Variants in CDK18 observed in about 807,000 individuals in gnomAD.
The protein encoded by CDK18 is cyclin dependent kinase 18.
CDK18 carries 52 observed loss-of-function variants against 62.0 expected under a neutral mutation model. That is an observed-to-expected ratio of 0.84 (90% CI 0.67 to 1.06). The LOEUF is 1.06. CDK18 is among the 50% of genes least tolerant of loss of function. The pLI, the probability that CDK18 is intolerant of heterozygous loss-of-function variation, is 0.00. For missense variants in CDK18, 604 were observed against 619.9 expected, an observed-to-expected ratio of 0.97 and a Z score of 0.27; for synonymous variants, 237 against 247.0, an observed-to-expected ratio of 0.96 and a Z score of 0.38.
chr1:205,512,080 C>T (rs2102275808), intron 1 of CDK18, among the ~76,000 whole-genome samples: 1 of 151,168 alleles, frequency 6.6e-6, no homozygotes, highest in South Asian at 2.1e-4. Context: ...TCTAACTGAA[C>T]CCTTGGGGGA....
intron 1 of CDK18, among the ~76,000 whole-genome samples, chr1:205,514,428 C>T (rs763008351): frequency 1.3e-4 from 20 of 152,032 alleles, no homozygotes; most frequent in Non-Finnish European, 2.2e-4. Context: ...TCTAGTGTGC[C>T]CAGAAAGAGG....
chr1:205,528,223 A>G lies in CDK18; in HGVS notation c.974+55A>G. 6.3e-7 allele frequency: 1 copy of G among 1,589,650 alleles called. No homozygotes were observed. On this transcript the variant is annotated intron_variant, in intron 10 of 15. Transcript: ENST00000429964. This position sits in a 1 kb window ranked among gnomAD's most constrained non-coding sequence, Gnocchi z 4.2. ...GGAGGACAGGCCTGGCCACACCTCC[A>G]GACTCTCCTTTGCTTCCCCAAGGGC...
chr1:205,523,707 C>T (rs576897417), intron 3 of CDK18, 82 bp downstream of exon 3: 2 of 1,475,492 alleles, frequency 1.4e-6, no homozygotes, highest in South Asian at 2.7e-5. Flanking sequence ...TGCCTTACAG[C>T]CAGACTTTGT....
intron 1 of CDK18, among the ~76,000 whole-genome samples, chr1:205,520,489 C>G: frequency 6.6e-6 from 1 of 152,080 alleles, no homozygotes. Context: ...CACTTGAGGT[C>G]AGGAGTTCGA....
At chr1:205,530,580 G>C (rs767136298) in intron 14 of CDK18, 48 bp from the exon 15 acceptor site, 8 of 1,558,768 alleles carry the variant, frequency 5.1e-6, no homozygotes, top group Non-Finnish European at 7.1e-6. Flanking sequence ...CCTTACTGGA[G>C]GCCAGCTCCA....
chr1:205,508,371 C>T (rs1487450618), intron 1 of CDK18, among the ~76,000 whole-genome samples: 1 of 152,254 alleles, frequency 6.6e-6, no homozygotes, highest in African/African-American at 2.4e-5. Flanking sequence ...ACAGGCTGGG[C>T]TCACAACAGC....
Position 205,526,857 on chromosome 1 carries a change from G to A in CDK18, c.729+20G>A. On this transcript the variant is annotated intron_variant, in intron 8 of 15. Coordinates refer to ENST00000429964, the MANE Select transcript of CDK18 (RefSeq NM_212502.3). ...GTCAAGGTGAGGCCTCGGGGGCAGG[G>A]TCCCCCCATCTTGGCAGCCACCTGT... The A allele has an allele frequency of 6.2e-7, 1 of 1,607,066 alleles. No individual in the cohort carries two copies. The highest frequency in any genetic ancestry group is 8.5e-7 in the Non-Finnish European group (1 of 1,173,566).
At chr1:205,529,730 ATCC>A (rs1558786993) in intron 13 of CDK18, 167 bp downstream of exon 13, 11 of 1,537,388 alleles carry the variant, frequency 7.2e-6, no homozygotes, top group Non-Finnish European at 9.6e-6. Context: ...CTCCATACAC[ATCC>A]TCTGGAGTCT....
rs1668500893 is a variant in CDK18 at position 205,527,542 on chromosome 1, C to G, written c.730-252C>G. 1 of 480,476 alleles carries G rather than the reference C, an allele frequency of 2.1e-6. No individual in the cohort carries two copies. Among genetic ancestry groups the G allele is most frequent in the South Asian group, 2.9e-5 (1 of 34,674 alleles). The allele number at this position is 480,476 out of a possible 1,614,324, so 29.8% of individuals were successfully genotyped here. A position where few individuals can be genotyped will look rare whatever the true frequency, so the allele number is the denominator to read the frequency against. On this transcript the variant is annotated intron_variant, in intron 8 of 15. Transcript: ENST00000429964. This position sits in a 1 kb window ranked among gnomAD's most constrained non-coding sequence, Gnocchi z 4.1. ...GTCTCCACATAGGCGGGCATCCTGA[C>G]CCCCGTGCTCCTGACTGAGACTTCG...
At chr1:205,523,774 A>C (rs752971757) in intron 3 of CDK18, 149 bp downstream of exon 3, 38 of 999,622 alleles carry the variant, frequency 3.8e-5, no homozygotes, top group Non-Finnish European at 4.9e-5. Flanking sequence ...CAAGTTACTC[A>C]ACCTCTGTGC....
intron 1 of CDK18, among the ~76,000 whole-genome samples, chr1:205,520,683 G>C (rs995058741): frequency 1.4e-5 from 2 of 142,340 alleles, no homozygotes; most frequent in African/African-American, 5.3e-5. Context: ...TTGGGTGATA[G>C]AGCACGACTC....
At chr1:205,519,749 C>T (rs546383290) in intron 1 of CDK18, among the ~76,000 whole-genome samples, 76 of 152,222 alleles carry the variant, frequency 5.0e-4, no homozygotes, top group Admixed American at 9.2e-4. Flanking sequence ...TTAGGGAGAG[C>T]AGGTGTGACT....
intron 1 of CDK18, among the ~76,000 whole-genome samples, chr1:205,515,061 AC>A (rs1394543341): frequency 1.3e-5 from 2 of 151,886 alleles, no homozygotes; most frequent in African/African-American, 4.8e-5. Context: ...ATAAAACCAG[AC>A]CTTCTGGGGA....
intron 1 of CDK18, among the ~76,000 whole-genome samples, chr1:205,519,507 C>T (rs1668006679): frequency 6.6e-6 from 1 of 150,958 alleles, no homozygotes; most frequent in African/African-American, 2.5e-5. Context: ...ATCCTTCCAT[C>T]AGGAAATCCA....
rs564151328 is a variant in CDK18, at chr1:205,512,810, G to A, written c.-22+8014G>A. 6.6e-4 allele frequency among the ~76,000 whole-genome samples: 101 copies of A among 152,212 alleles called. 1 individual carries two copies. The highest frequency in any genetic ancestry group is 1.2e-3 in the Admixed American group (19 of 15,286). On this transcript the variant is annotated intron_variant, in intron 1 of 15. Transcript: ENST00000429964. ...GCTGGTGGGGGTGGAGTATAAATAG[G>A]AATATGGTTTAGAGATGCTGGGAAA...
rs2102317429 is a variant in CDK18, at chr1:205,527,865, G to A, written c.801G>A (p.Lys267=). ...GCAAGATCCTGCACCGGGACCTGAA[G>A]CCCCAGAACCTGCTCATCAACGAGA... ...HHRKILHRDL[K]PQNLLINERG... is the part of the protein sequence containing the mutation. The change falls in exon 9 of 16, where the codon AAG becomes AAA. Residue 267 remains lysine, a synonymous_variant. Coordinates refer to ENST00000429964, the MANE Select transcript of CDK18 (RefSeq NM_212502.3). The surrounding 1 kb of genome is among the most constrained non-coding windows in gnomAD (Gnocchi z 4.1). 1 of 1,614,120 alleles carries A rather than the reference G, an allele frequency of 6.2e-7. No individual in the cohort carries two copies. The highest frequency in any genetic ancestry group is 8.5e-7 in the Non-Finnish European group (1 of 1,180,010).
At chr1:205,511,708 T>G (rs1016256117) in intron 1 of CDK18, among the ~76,000 whole-genome samples, 1 of 152,226 alleles carries the variant, frequency 6.6e-6, no homozygotes, top group African/African-American at 2.4e-5. Flanking sequence ...CATGTGTATA[T>G]CCTGCATACG....
Position 205,516,534 on chromosome 1 carries a change from G to A in CDK18, c.-21-6613G>A, listed in dbSNP as rs980201821. 6.6e-6 allele frequency among the ~76,000 whole-genome samples: 1 copy of A among 152,152 alleles called. No individual in the cohort carries two copies. The highest frequency in any genetic ancestry group is 2.4e-5 in the African/African-American group (1 of 41,434). On this transcript the variant is annotated intron_variant, in intron 1 of 15. Transcript: ENST00000429964. The surrounding 1 kb of genome is among the most constrained non-coding windows in gnomAD (Gnocchi z 4.8). The stretch of plus-strand genomic sequence containing the variant: ...TTGGGGATGCATCTAACATGTGCCT[G>A]GAACACAGCAGGTGCTCCACATGTG...
intron 5 of CDK18, among the ~76,000 whole-genome samples, chr1:205,525,659 T>C (rs1668386347): frequency 1.3e-5 from 2 of 152,150 alleles, no homozygotes; most frequent in African/African-American, 4.8e-5. Flanking sequence ...GCCTGGCACA[T>C]AGGAAGTGCT....
Sources: gnomAD v4.1 joint callset for allele counts (sites outside exome capture counted in the v4.1 genomes callset) on GRCh38, gnomAD v4.1.1 for gene constraint, Gnocchi (gnomAD v3.1) non-coding constraint, MANE v1.5 for transcripts, NCBI Gene and HGNC (gene_info 2026-07-23, HGNC 2026-07-21) for gene names.